LRP5: variants seen among roughly 807,000 people sequenced by gnomAD.
LRP5 encodes low-density lipoprotein receptor-related protein 5.
A neutral mutation model predicts 154.1 loss-of-function variants in LRP5; 62 were observed. The ratio of observed to expected loss-of-function variants is 0.40; its 90% CI spans 0.33 to 0.50. The LOEUF is 0.50. Ranked by LOEUF, LRP5 falls within the 20% of genes least tolerant of loss-of-function variation. The probability of loss-of-function intolerance (pLI) is 0.55; values close to 1 mark genes in which losing one functional copy is unlikely to be tolerated. For missense variants in LRP5, 1,915 were observed against 2,336.7 expected (o/e 0.82, Z 3.72); for synonymous variants, 966 against 1,011.5 (o/e 0.96, Z 0.85).
In LRP5 at chr11:68,351,886, G is replaced by A. The variant is rs199692223; in HGVS notation, c.488+3643G>A. On this transcript the variant is annotated intron_variant, in intron 2 of 22. Coordinates refer to ENST00000294304, the MANE Select transcript of LRP5 (RefSeq NM_002335.4). ...CTGGAAGCAGATGAGGCTGAGAACC[G>A]TGTGGCTGTCTGGGGGCAGCGCGGT... 1.7e-4 allele frequency among the ~76,000 whole-genome samples: 26 copies of A among 152,302 alleles called. 1 individual carries two copies. In the East Asian group the frequency reaches 1.9e-3, roughly 11 times the overall value.
intron 5 of LRP5, among the ~76,000 whole-genome samples, chr11:68,366,288 G>A (rs2098631031): frequency 6.6e-6 from 1 of 152,094 alleles, no homozygotes; most frequent in Non-Finnish European, 1.5e-5. Context: ...GACAGGGCCT[G>A]CTTCCTGTGC....
intron 7 of LRP5, among the ~76,000 whole-genome samples, chr11:68,399,434 C>T (rs993204611): frequency 2.6e-5 from 4 of 152,126 alleles, no homozygotes; most frequent in Non-Finnish European, 5.9e-5. Context: ...GTCACGTGCT[C>T]TCCATGCTGC....
intron 21 of LRP5, chr11:68,445,737 C>G (rs1336829117): frequency 3.5e-6 from 4 of 1,130,638 alleles, no homozygotes; most frequent in African/African-American, 1.6e-5. Context: ...CCCTTCCTCC[C>G]TTTGTAGGGC....
At chr11:68,397,034 C>T (rs181840698) in intron 7 of LRP5, among the ~76,000 whole-genome samples, 1 of 152,314 alleles carries the variant, frequency 6.6e-6, no homozygotes, top group African/African-American at 2.4e-5. Context: ...TGCCCCAGGA[C>T]ACCTCCTTAG....
chr11:68,413,569 T>C lies in LRP5; in HGVS notation c.2504-120T>C, dbSNP rs1465732883. 3 of 877,378 alleles carry C rather than the reference T, an allele frequency of 3.4e-6. No homozygotes were observed. The highest frequency in any genetic ancestry group is 5.6e-6 in the Non-Finnish European group (3 of 532,038). 54.3% of individuals were successfully genotyped at this position (877,378 alleles called of 1,614,324 possible). ...GGTTTTCCAAGGTGGCCAAACACTTTAAGGCATTCATGTGGTCGCTAGGCT... is the reference window on the plus strand; with the variant it reads ...GGTTTTCCAAGGTGGCCAAACACTTCAAGGCATTCATGTGGTCGCTAGGCT... On this transcript the variant is annotated intron_variant, in intron 11 of 22. Coordinates refer to ENST00000294304, the MANE Select transcript of LRP5 (RefSeq NM_002335.4). The surrounding 1 kb of genome is among the most constrained non-coding windows in gnomAD (Gnocchi z 5.1).
In LRP5 at chr11:68,347,950, G is replaced by A. The variant is rs779662838; in HGVS notation, c.195G>A (p.Ala65=). 5.6e-6 allele frequency: 9 copies of A among 1,613,952 alleles called. No individual in the cohort carries two copies. The highest frequency in any genetic ancestry group is 1.6e-4 in the Middle Eastern group (1 of 6,080). The change falls in exon 2 of 23, where the codon GCG becomes GCA. Residue 65 remains alanine (A), a synonymous_variant. Transcript: ENST00000294304. ...TCGTGGTCAGCGGCCTGGAGGATGC[G>A]GCCGCAGTGGACTTCCAGTTTTCCA... ...STIVVSGLED[A]AAVDFQFSKG...
chr11:68,312,252 T>C (rs542405975), upstream of LRP5, among the ~76,000 whole-genome samples: 1 of 152,108 alleles, frequency 6.6e-6, no homozygotes, highest in African/African-American at 2.4e-5. Context: ...TGAAACTGCC[T>C]CGCTGTGTGC....
chr11:68,328,234 A>G (rs1251725835), intron 1 of LRP5, among the ~76,000 whole-genome samples: 3 of 111,110 alleles, frequency 2.7e-5, no homozygotes, highest in Non-Finnish European at 4.2e-5. Flanking sequence ...GCAATTTTCC[A>G]GGAACAGTAG....
chr11:68,416,969 G>T (rs761243892), intron 13 of LRP5, among the ~76,000 whole-genome samples: 1 of 152,312 alleles, frequency 6.6e-6, no homozygotes, highest in African/African-American at 2.4e-5. Context: ...GGAAAGCGGG[G>T]CCAGGGCACA....
chr11:68,392,518 T>TA (rs1362062124), intron 7 of LRP5, among the ~76,000 whole-genome samples: 1 of 151,742 alleles, frequency 6.6e-6, no homozygotes, highest in African/African-American at 2.4e-5. Context: ...AATAAATAAA[T>TA]AAAAAAAATT....
At position 68,411,640 on chromosome 11, in the gene LRP5, CT is replaced by C. The variant is rs1565089441; in HGVS notation, c.2503+22del. On this transcript the variant is annotated intron_variant, in intron 11 of 22. Coordinates refer to ENST00000294304, the MANE Select transcript of LRP5 (RefSeq NM_002335.4). ...TGCTGGGTGAGGGCCGGGCTGGGGCCTTCTGGTCATGGAGGGCGGGGCAGCC... is the reference window on the plus strand; with the variant it reads ...TGCTGGGTGAGGGCCGGGCTGGGGCCTCTGGTCATGGAGGGCGGGGCAGCC... The C allele has an allele frequency of 1.9e-6, 3 of 1,600,978 alleles. No homozygotes were observed. The highest frequency in any genetic ancestry group is 2.6e-6 in the Non-Finnish European group (3 of 1,173,762).
intron 3 of LRP5, among the ~76,000 whole-genome samples, chr11:68,362,798 G>T (rs2098628797): frequency 6.6e-6 from 1 of 152,262 alleles, no homozygotes; most frequent in South Asian, 2.1e-4. Context: ...GATCTGCAGA[G>T]CCCACAGCTC....
intron 1 of LRP5, among the ~76,000 whole-genome samples, chr11:68,318,027 G>A (rs1384585753): frequency 6.6e-6 from 1 of 151,476 alleles, no homozygotes; most frequent in African/African-American, 2.4e-5. Flanking sequence ...ACATCTTTTA[G>A]TTTGCCTTAA....
intron 15 of LRP5, 67 bp from the exon 16 acceptor site, chr11:68,425,911 C>G: frequency 7.0e-7 from 1 of 1,424,438 alleles, no homozygotes; most frequent in Non-Finnish European, 9.8e-7. Context: ...CTCTGTCCTC[C>G]CAAGCTGAGT....
At chr11:68,299,585 CTTTTTTTT>C in the LRP5 span, among the ~76,000 whole-genome samples, 2 of 115,054 alleles carry the variant, frequency 1.7e-5, no homozygotes, top group Admixed American at 1.8e-4. Flanking sequence ...AAGGGCCAGT[CTTTTTTTT>C]TTTTTTTTTT....
chr11:68,404,945 C>T (rs2098654698), intron 8 of LRP5, among the ~76,000 whole-genome samples: 1 of 149,066 alleles, frequency 6.7e-6, no homozygotes. Context: ...AGTCCGCAGT[C>T]CGGCCTGGGC....
chr11:68,406,065 T>G (rs754837915), intron 8 of LRP5, among the ~76,000 whole-genome samples: 1 of 152,204 alleles, frequency 6.6e-6, no homozygotes, highest in South Asian at 2.1e-4. Flanking sequence ...TTTCCTTGAA[T>G]GAAAAATGGG....
chr11:68,440,026 C>T, intron 21 of LRP5, 110 bp downstream of exon 21: 3 of 927,576 alleles, frequency 3.2e-6, no homozygotes, highest in Non-Finnish European at 4.7e-6. Flanking sequence ...GTGCCACCGC[C>T]TCTGAGGCAT....
intron 3 of LRP5, among the ~76,000 whole-genome samples, chr11:68,361,428 A>G (rs2098628049): frequency 6.6e-6 from 1 of 152,092 alleles, no homozygotes; most frequent in Admixed American, 6.6e-5. Flanking sequence ...TGAAGTTAGG[A>G]GATCGAGACC....
Sources: gnomAD v4.1 joint callset for allele counts (sites outside exome capture counted in the v4.1 genomes callset) on GRCh38, gnomAD v4.1.1 for gene constraint, Gnocchi (gnomAD v3.1) non-coding constraint, MANE v1.5 for transcripts, NCBI Gene and HGNC (gene_info 2026-07-23, HGNC 2026-07-21) for gene names.